The following JHY variants were observed in gnomAD, a reference collection of about 807,000 sequenced individuals.
The protein encoded by JHY is jhy protein homolog.
In JHY, 69 loss-of-function variants were observed where a neutral mutation model predicts 78.0. The ratio of observed to expected loss-of-function variants is 0.88; its 90% CI spans 0.73 to 1.08. The LOEUF is 1.08. JHY is among the 50% of genes least tolerant of loss of function. The pLI is 0.00. For missense variants in JHY, 944 were observed against 927.8 expected, an observed-to-expected ratio of 1.02 and a Z score of -0.23; for synonymous variants, 368 against 342.6, an observed-to-expected ratio of 1.07 and a Z score of -0.82.
chr11:122,907,284 G>GT (rs1336242781), intron 3 of JHY, among the ~76,000 whole-genome samples: 1 of 151,668 alleles, frequency 6.6e-6, no homozygotes, highest in Admixed American at 6.6e-5. Flanking sequence ...ATATGTAGAC[G>GT]TGTGTGTGTC....
chr11:122,891,491 C>G (rs550320533), intron 2 of JHY, among the ~76,000 whole-genome samples: 2 of 151,042 alleles, frequency 1.3e-5, no homozygotes, highest in South Asian at 4.2e-4. Context: ...TCAGCACTCA[C>G]GAAGAAAGAG....
chr11:122,938,580 G>T (rs1469785464), intron 5 of JHY, among the ~76,000 whole-genome samples: 1 of 152,064 alleles, frequency 6.6e-6, no homozygotes. Flanking sequence ...TCCCTGCTTT[G>T]CTTCTCTTTC....
rs926299539 is a variant in JHY at position 122,963,570 on chromosome 11, G to A, written c.*4125G>A. On this transcript the variant is annotated 3_prime_UTR_variant, in exon 9 of 9. Coordinates refer to ENST00000227349, the MANE Select transcript of JHY (RefSeq NM_024806.4). ...TAAGGGGAGAGATTTTGCAAAAACAGGGAGTGACAGACACGTTTTTTGCTC... is the reference window on the plus strand; with the variant it reads ...TAAGGGGAGAGATTTTGCAAAAACAAGGAGTGACAGACACGTTTTTTGCTC... 1.3e-5 allele frequency among the ~76,000 whole-genome samples: 2 copies of A among 152,140 alleles called. No homozygotes were observed. Among genetic ancestry groups the A allele is most frequent in the Admixed American group, 6.6e-5 (1 of 15,264 alleles).
intron 3 of JHY, among the ~76,000 whole-genome samples, chr11:122,919,640 G>C (rs915950389): frequency 2.0e-5 from 3 of 152,010 alleles, no homozygotes; most frequent in Non-Finnish European, 4.4e-5. Context: ...GCTTTTTAAA[G>C]TTCAAGTATC....
intron 4 of JHY, among the ~76,000 whole-genome samples, chr11:122,931,562 C>A (rs1863637292): frequency 6.6e-6 from 1 of 152,100 alleles, no homozygotes; most frequent in African/African-American, 2.4e-5. Context: ...GAATTTGTAT[C>A]TCGGGCTTAA....
chr11:122,920,894 C>T (rs1863349394), intron 3 of JHY, among the ~76,000 whole-genome samples: 1 of 152,178 alleles, frequency 6.6e-6, no homozygotes. Flanking sequence ...GCCATGATTG[C>T]TGTCTTTGTT....
intron 6 of JHY, among the ~76,000 whole-genome samples, chr11:122,947,830 G>A (rs1863997672): frequency 6.6e-6 from 1 of 152,190 alleles, no homozygotes; most frequent in African/African-American, 2.4e-5. Context: ...CTGTGATGCA[G>A]ACACAGCAGT....
In JHY at chr11:122,960,790, A is replaced by G. The variant is rs2135389074; in HGVS notation, c.*1345A>G. 3.8e-6 allele frequency: 2 copies of G among 520,506 alleles called. No individual in the cohort carries two copies. Among genetic ancestry groups the G allele is most frequent in the Admixed American group, 2.4e-5 (1 of 41,366 alleles). 32.2% of individuals were successfully genotyped at this position (520,506 alleles called of 1,614,324 possible). On this transcript the variant is annotated 3_prime_UTR_variant, in exon 9 of 9. Transcript: ENST00000227349. ...CAAATCCAGGATGCAATTGATTTGG[A>G]GAAGTCGCAGCGCTCACTGGTTCAG...
In JHY at chr11:122,959,239, T is replaced by G. The variant is rs946853072; in HGVS notation, c.2140-9T>G. Reference sequence around the variant, plus strand: ...CATTTCAAATAAAATTTCATCTTTATGCGTTTAGGCTTTGGAATACGCTAA... The same window carrying G: ...CATTTCAAATAAAATTTCATCTTTAGGCGTTTAGGCTTTGGAATACGCTAA... On this transcript the variant is annotated splice_polypyrimidine_tract_variant and intron_variant, in intron 8 of 8. Transcript: ENST00000227349. The G allele has an allele frequency of 6.2e-7, 1 of 1,601,476 alleles. No individual in the cohort carries two copies. The highest frequency in any genetic ancestry group is 1.3e-5 in the African/African-American group (1 of 74,090).
At chr11:122,958,665 G>A in intron 8 of JHY, 1 of 908,850 alleles carries the variant, frequency 1.1e-6, no homozygotes, top group Non-Finnish European at 1.3e-6. Context: ...CATATTTAGT[G>A]ATCTCATTTT....
chr11:122,906,349 T>C (rs1862992924), intron 3 of JHY, among the ~76,000 whole-genome samples: 3 of 152,010 alleles, frequency 2.0e-5, no homozygotes. Flanking sequence ...CCACCACATC[T>C]AGCTAAATTT....
At chr11:122,943,753 T>C (rs1863916391) in intron 5 of JHY, among the ~76,000 whole-genome samples, 1 of 152,230 alleles carries the variant, frequency 6.6e-6, no homozygotes. Flanking sequence ...CTGATACTAA[T>C]ACAGCTACAC....
chr11:122,952,885 C>A (rs1238824638), intron 6 of JHY, among the ~76,000 whole-genome samples: 2 of 152,058 alleles, frequency 1.3e-5, no homozygotes, highest in Non-Finnish European at 2.9e-5. Flanking sequence ...TGCAAAACAA[C>A]CATACAGATG....
intron 2 of JHY, among the ~76,000 whole-genome samples, chr11:122,896,717 T>TA (rs1466873785): frequency 6.6e-6 from 1 of 152,190 alleles, no homozygotes; most frequent in Non-Finnish European, 1.5e-5. Flanking sequence ...ACAACGGTGT[T>TA]ATGTCACGGG....
At chr11:122,915,885 C>T (rs1432228701) in intron 3 of JHY, among the ~76,000 whole-genome samples, 1 of 152,112 alleles carries the variant, frequency 6.6e-6, no homozygotes, top group Non-Finnish European at 1.5e-5. Flanking sequence ...GGGGCAATGG[C>T]ATGAAGTCGT....
intron 2 of JHY, among the ~76,000 whole-genome samples, chr11:122,887,454 C>T (rs1019427573): frequency 6.6e-6 from 1 of 152,118 alleles, no homozygotes; most frequent in African/African-American, 2.4e-5. Flanking sequence ...TCCCGAGTAG[C>T]TGGGACTACA....
Position 122,935,087 on chromosome 11 carries a change from C to T in JHY, c.1634+12C>T. 1 of 1,547,482 alleles carries T rather than the reference C, an allele frequency of 6.5e-7. No homozygotes were observed. The highest frequency in any genetic ancestry group is 8.7e-7 in the Non-Finnish European group (1 of 1,150,896). ...TTAGAAATGTTATGGTAAGAATTCC[C>T]TTTTCTCAAGTGGTTTTCTAGAGGA... On this transcript the variant is annotated intron_variant, in intron 5 of 8. Coordinates refer to ENST00000227349, the MANE Select transcript of JHY (RefSeq NM_024806.4). The surrounding 1 kb of genome is among the most constrained non-coding windows in gnomAD (Gnocchi z 4.5).
chr11:122,947,723 C>G (rs966569656), intron 6 of JHY, among the ~76,000 whole-genome samples: 1 of 152,062 alleles, frequency 6.6e-6, no homozygotes, highest in Non-Finnish European at 1.5e-5. Flanking sequence ...CAGGAGGTCT[C>G]TAGACTGAAA....
At chr11:122,940,498 A>C (rs1042187550) in intron 5 of JHY, among the ~76,000 whole-genome samples, 3 of 152,182 alleles carry the variant, frequency 2.0e-5, no homozygotes, top group Non-Finnish European at 4.4e-5. Context: ...TGTACTTTTT[A>C]TTACATTATA....
Sources: gnomAD v4.1 joint callset for allele counts (sites outside exome capture counted in the v4.1 genomes callset) on GRCh38, gnomAD v4.1.1 for gene constraint, Gnocchi (gnomAD v3.1) non-coding constraint, MANE v1.5 for transcripts, NCBI Gene and HGNC (gene_info 2026-07-23, HGNC 2026-07-21) for gene names.